The following MYO10 variants were observed in gnomAD, a reference collection of about 807,000 sequenced individuals.
MYO10 encodes unconventional myosin-X.
MYO10 carries 133 observed loss-of-function variants against 257.3 expected under a neutral mutation model. The observed-to-expected ratio is 0.52, with a 90% CI of 0.45 to 0.60. The LOEUF (loss-of-function observed/expected upper bound fraction) is 0.60, where lower values mean the gene tolerates loss of function less well. Among genes scored for constraint, MYO10 ranks in the 20% least tolerant of loss-of-function variants. MYO10 has a pLI of 0.00. For synonymous variants in MYO10, 1,104 were observed against 1,028.6 expected, an observed-to-expected ratio of 1.07 and a Z score of -1.40; for missense variants, 2,399 against 2,635.7, an observed-to-expected ratio of 0.91 and a Z score of 1.97.
intron 19 of MYO10, chr5:16,738,329 G>T (rs1290702988): frequency 2.0e-6 from 2 of 985,334 alleles, no homozygotes; most frequent in African/African-American, 1.7e-5. Flanking sequence ...GGATTAAGAG[G>T]CAGGGCAGAG....
chr5:16,698,706 C>T (rs1314241105), intron 26 of MYO10, among the ~76,000 whole-genome samples: 1 of 141,692 alleles, frequency 7.1e-6, no homozygotes, highest in Non-Finnish European at 1.5e-5. Context: ...TCACTGCAAG[C>T]TCCGCCTCCT....
intron 3 of MYO10, among the ~76,000 whole-genome samples, chr5:16,796,081 C>T (rs370924981): frequency 6.7e-6 from 1 of 149,984 alleles, no homozygotes; most frequent in Non-Finnish European, 1.5e-5. Flanking sequence ...CCCAGCTACT[C>T]GGGAGGCTGA....
At position 16,673,219 on chromosome 5, in the gene MYO10, G is replaced by C. The variant is rs183896996; in HGVS notation, c.5173-394C>G. Among the ~76,000 whole-genome samples, 763 of 151,884 alleles carry C rather than the reference G, an allele frequency of 5.0e-3. 4 individuals are homozygous for C. The highest frequency in any genetic ancestry group is 0.014 in the African/African-American group (577 of 41,392). On this transcript the variant is annotated intron_variant, in intron 36 of 40. Transcript: ENST00000513610. The stretch of plus-strand genomic sequence containing the variant: ...TTTTTTTTTTCCATAAGAAGCCTTG[G>C]GGGGTGGGGGTCGGGGTGGTGGTTA...
chr5:16,925,692 A>G (rs1746112427), intron 1 of MYO10, among the ~76,000 whole-genome samples: 1 of 152,198 alleles, frequency 6.6e-6, no homozygotes, highest in Non-Finnish European at 1.5e-5. Flanking sequence ...GGTAACAGGC[A>G]TGAGCCACCG....
chr5:16,795,076 G>GTCCCTGCTCCCCAGGCCCAGA (rs540040162), intron 3 of MYO10, among the ~76,000 whole-genome samples: 1 of 152,124 alleles, frequency 6.6e-6, no homozygotes, highest in African/African-American at 2.4e-5. Context: ...CCCAGGCCCA[G>GTCCCTGCTCCCCAGGCCCAGA]TCCCTGCTCC....
intron 24 of MYO10, among the ~76,000 whole-genome samples, chr5:16,702,316 T>A (rs180889549): frequency 2.0e-5 from 3 of 152,242 alleles, no homozygotes; most frequent in African/African-American, 7.2e-5. Flanking sequence ...ACGCTGGTTA[T>A]ACCGATTTAG....
chr5:16,796,341 A>C (rs1309917198), intron 3 of MYO10, among the ~76,000 whole-genome samples: 6 of 135,376 alleles, frequency 4.4e-5, no homozygotes, highest in Non-Finnish European at 7.5e-5. Flanking sequence ...AAAGAAAGGG[A>C]AAGAGAGGAA....
At chr5:16,850,203 C>A (rs1021452025) in intron 2 of MYO10, among the ~76,000 whole-genome samples, 1 of 152,220 alleles carries the variant, frequency 6.6e-6, no homozygotes, top group East Asian at 1.9e-4. Context: ...TCGATTCATT[C>A]TGCTATTCTT....
rs1271070539 is a variant in MYO10, at chr5:16,694,579, C to T, written c.3592G>A (p.Val1198Ile). 1 of 1,613,940 alleles carries T rather than the reference C, an allele frequency of 6.2e-7. No individual in the cohort carries two copies. Among genetic ancestry groups the T allele is most frequent in the African/African-American group, 1.3e-5 (1 of 75,044 alleles). The change falls in exon 27 of 41, where the codon GTC (valine) becomes ATC (isoleucine). Residue 1198 changes from valine to isoleucine, a missense_variant. Coordinates refer to ENST00000513610, the MANE Select transcript of MYO10 (RefSeq NM_012334.3). ...CACAAGAAGGTTTCATCCTTGAGGA[C>T]GCACCAGCGGCGTTTCCAAGAGTTC... Reference protein sequence around the residue: ...LMNSWKRRWCVLKDETFLWFR... With the variant: ...LMNSWKRRWCILKDETFLWFR...
At chr5:16,756,704 T>A (rs909169500) in intron 18 of MYO10, among the ~76,000 whole-genome samples, 1 of 152,170 alleles carries the variant, frequency 6.6e-6, no homozygotes, top group Admixed American at 6.6e-5. Flanking sequence ...AGGACTTGCA[T>A]CTCTGTGTCT....
At chr5:16,866,997 C>A (rs1025469464) in intron 2 of MYO10, among the ~76,000 whole-genome samples, 2 of 152,226 alleles carry the variant, frequency 1.3e-5, no homozygotes, top group African/African-American at 4.8e-5. Context: ...CAGTCTCCCT[C>A]GGGCTCCACA....
chr5:16,700,501 A>T (rs1004678191), intron 25 of MYO10, among the ~76,000 whole-genome samples: 1 of 152,094 alleles, frequency 6.6e-6, no homozygotes, highest in Non-Finnish European at 1.5e-5. Flanking sequence ...ACATGGTAAA[A>T]CCCCATCTCT....
chr5:16,835,492 G>GGT (rs1554001243), intron 2 of MYO10, among the ~76,000 whole-genome samples: 1,864 of 81,156 alleles, frequency 0.023, 33 homozygotes, highest in East Asian at 0.055. Flanking sequence ...ATTTTTGGCT[G>GGT]TTTTTTTTTT....
At chr5:16,744,222 T>C (rs752762447) in intron 19 of MYO10, among the ~76,000 whole-genome samples, 6 of 152,156 alleles carry the variant, frequency 3.9e-5, no homozygotes, top group Non-Finnish European at 5.9e-5. Context: ...GTGGTAAAAA[T>C]ATAAACATAT....
At chr5:16,770,967 C>G (rs1431340861) in intron 9 of MYO10, among the ~76,000 whole-genome samples, 9 of 152,148 alleles carry the variant, frequency 5.9e-5, no homozygotes, top group South Asian at 2.1e-4. Context: ...GAGGTTTCTC[C>G]ATGTTGGTCA....
intron 3 of MYO10, among the ~76,000 whole-genome samples, chr5:16,800,881 G>C (rs543224763): frequency 3.0e-4 from 45 of 152,082 alleles, no homozygotes; most frequent in African/African-American, 1.0e-3. Context: ...AAGATACCAA[G>C]CCAGGCTTTT....
At chr5:16,796,238 C>T (rs1240203443) in intron 3 of MYO10, among the ~76,000 whole-genome samples, 6 of 81,342 alleles carry the variant, frequency 7.4e-5, no homozygotes, top group South Asian at 4.9e-4. Context: ...AGAGAAAGAG[C>T]GAGCGTGCGA....
At chr5:16,902,554 C>A (rs528161774) in intron 1 of MYO10, 3 of 1,579,586 alleles carry the variant, frequency 1.9e-6, no homozygotes, top group Non-Finnish European at 2.6e-6. Context: ...TCCTTGGGCA[C>A]GCATCGGGCA....
intron 2 of MYO10, among the ~76,000 whole-genome samples, chr5:16,854,558 G>C (rs1413709229): frequency 2.0e-5 from 3 of 152,044 alleles, no homozygotes; most frequent in Non-Finnish European, 2.9e-5. Context: ...GGTGGAGGGA[G>C]AGCTTGGGAA....
Sources: gnomAD v4.1 joint callset for allele counts (sites outside exome capture counted in the v4.1 genomes callset) on GRCh38, gnomAD v4.1.1 for gene constraint, MANE v1.5 for transcripts, NCBI Gene and HGNC (gene_info 2026-07-23, HGNC 2026-07-21) for gene names.